Variants in NPAS2 observed in about 807,000 individuals in gnomAD.
NPAS2 encodes neuronal PAS domain protein 2.
In NPAS2, 23 loss-of-function variants were observed where a neutral mutation model predicts 107.5. The observed-to-expected ratio is 0.21, with a 90% confidence interval of 0.15 to 0.30. The LOEUF (loss-of-function observed/expected upper bound fraction) is 0.30, where lower values mean the gene tolerates loss of function less well. Ranked by LOEUF, NPAS2 falls within the 10% of genes least tolerant of loss-of-function variation. NPAS2 has a pLI of 1.00. For missense variants in NPAS2, 756 were observed against 1,043.3 expected, an observed-to-expected ratio of 0.72 and a Z score of 3.79; for synonymous variants, 403 against 417.5, an observed-to-expected ratio of 0.97 and a Z score of 0.42.
intron 1 of NPAS2, among the ~76,000 whole-genome samples, chr2:100,883,460 TAGC>T (rs1403797672): frequency 2.0e-5 from 3 of 152,170 alleles, no homozygotes; most frequent in Non-Finnish European, 4.4e-5. Flanking sequence ...CCACACACGG[TAGC>T]AGCATAAACC....
chr2:100,852,680 G>A (rs564729851), intron 1 of NPAS2, among the ~76,000 whole-genome samples: 7 of 152,218 alleles, frequency 4.6e-5, no homozygotes, highest in Non-Finnish European at 8.8e-5. Context: ...CACTCACAGT[G>A]GAGTCACCGC....
chr2:100,872,402 G>A lies in NPAS2; in HGVS notation c.-22-32331G>A, dbSNP rs77922123. Among the ~76,000 whole-genome samples the A allele has an allele frequency of 1.6e-3, 246 of 152,274 alleles. 5 individuals carry two copies. The East Asian group carries it at 0.03, about 19-fold the overall frequency. On this transcript the variant is annotated intron_variant, in intron 1 of 20. Transcript: ENST00000335681. ...AACCATGCCTGCAACCTAGGAAGCC[G>A]TCAAATGTAATTCATTATCATAATA...
intron 7 of NPAS2, among the ~76,000 whole-genome samples, chr2:100,958,646 T>A (rs1675721363): frequency 6.6e-6 from 1 of 152,156 alleles, no homozygotes; most frequent in Admixed American, 6.5e-5. Context: ...CAATGAGGAA[T>A]GGTCAGGCTT....
At chr2:100,936,459 TAA>T (rs1684306184) in intron 4 of NPAS2, among the ~76,000 whole-genome samples, 1 of 152,152 alleles carries the variant, frequency 6.6e-6, no homozygotes, top group South Asian at 2.1e-4. Context: ...AGGTTTCCAG[TAA>T]AAGTCTCCCT....
At position 100,835,355 on chromosome 2, in the gene NPAS2, C is replaced by G. The variant is rs113127909; in HGVS notation, c.-23+14941C>G. On this transcript the variant is annotated intron_variant, in intron 1 of 20. Transcript: ENST00000335681. ...TAGGATGTGTGTAAATCAAATCCAGCATCTGAACCTGCCTTCTTTAGCTTC... is the reference window on the plus strand; with the variant it reads ...TAGGATGTGTGTAAATCAAATCCAGGATCTGAACCTGCCTTCTTTAGCTTC... 7.9e-5 allele frequency among the ~76,000 whole-genome samples: 12 copies of G among 152,264 alleles called. 1 individual carries two copies. The highest frequency in any genetic ancestry group is 2.9e-4 in the African/African-American group (12 of 41,552).
intron 1 of NPAS2, among the ~76,000 whole-genome samples, chr2:100,903,197 T>C (rs958493006): frequency 6.6e-6 from 1 of 152,194 alleles, no homozygotes; most frequent in Non-Finnish European, 1.5e-5. Flanking sequence ...GCTCATGCCC[T>C]GGGGCTTTGA....
intron 1 of NPAS2, among the ~76,000 whole-genome samples, chr2:100,898,535 A>G (rs906233095): frequency 2.0e-5 from 3 of 152,192 alleles, no homozygotes; most frequent in African/African-American, 7.2e-5. Context: ...ATAACAATAG[A>G]CAAAGGGTGT....
chr2:100,973,078 C>A (rs996590532), intron 12 of NPAS2, among the ~76,000 whole-genome samples: 29 of 151,938 alleles, frequency 1.9e-4, no homozygotes, highest in African/African-American at 6.5e-4. Flanking sequence ...ACTCAGGAGG[C>A]TGAGGCAGGA....
intron 14 of NPAS2, 68 bp downstream of exon 14, chr2:100,975,635 C>T (rs981334309): frequency 1.5e-5 from 17 of 1,116,444 alleles, no homozygotes; most frequent in East Asian, 5.5e-5. Context: ...CAGAGCCAGG[C>T]GATGTGCTGC....
At chr2:100,878,296 A>G (rs535121871) in intron 1 of NPAS2, 1 of 985,460 alleles carries the variant, frequency 1.0e-6, no homozygotes, top group African/African-American at 1.7e-5. Context: ...GGCAAGCAGC[A>G]TTCCCTGACA....
At chr2:100,848,199 T>C (rs1379168082) in intron 1 of NPAS2, among the ~76,000 whole-genome samples, 3 of 152,078 alleles carry the variant, frequency 2.0e-5, no homozygotes, top group Non-Finnish European at 4.4e-5. Context: ...ATTGGGATTG[T>C]TTTCGATTTT....
intron 7 of NPAS2, among the ~76,000 whole-genome samples, chr2:100,950,327 A>T (rs925390563): frequency 6.6e-6 from 1 of 152,256 alleles, no homozygotes; most frequent in Non-Finnish European, 1.5e-5. Context: ...TGGGGGAAAA[A>T]AGAGGAAATG....
At chr2:100,943,819 C>T (rs553006115) in intron 5 of NPAS2, among the ~76,000 whole-genome samples, 33 of 152,304 alleles carry the variant, frequency 2.2e-4, no homozygotes, top group African/African-American at 7.9e-4. Context: ...GGGAGGGAAC[C>T]TGCAGTTAGG....
Position 100,821,007 on chromosome 2 carries a change from T to C in NPAS2, c.-23+593T>C, listed in dbSNP as rs1558778099. 7.1e-6 allele frequency: 9 copies of C among 1,265,778 alleles called. 1 individual carries two copies. The highest frequency in any genetic ancestry group is 1.3e-5 in the South Asian group (1 of 75,570). The allele number at this position is 1,265,778 out of a possible 1,614,324, so 78.4% of individuals were successfully genotyped here. On this transcript the variant is annotated intron_variant, in intron 1 of 20. Transcript: ENST00000335681. Reference sequence around the variant, plus strand: ...GTCGCTGCCGCCCCCCCACCCCAACTCCGGAGCTCCCCAGGTTGGATGTAT... The same window carrying C: ...GTCGCTGCCGCCCCCCCACCCCAACCCCGGAGCTCCCCAGGTTGGATGTAT...
At chr2:100,963,595 T>C (rs1184380069) in intron 7 of NPAS2, among the ~76,000 whole-genome samples, 3 of 152,158 alleles carry the variant, frequency 2.0e-5, no homozygotes, top group African/African-American at 7.2e-5. Flanking sequence ...GTTTGTTTTT[T>C]AGTAGAGATG....
At chr2:100,937,178 C>T (rs1466276388) in intron 4 of NPAS2, among the ~76,000 whole-genome samples, 3 of 152,146 alleles carry the variant, frequency 2.0e-5, no homozygotes, top group Admixed American at 6.5e-5. Flanking sequence ...ACGCAACCCC[C>T]ACACCCACCC....
chr2:100,966,585 CTTT>C (rs765292891), intron 10 of NPAS2, among the ~76,000 whole-genome samples: 8 of 120,320 alleles, frequency 6.6e-5, no homozygotes, highest in African/African-American at 3.3e-5. Flanking sequence ...CCCATTAGAA[CTTT>C]TTTTTTTTTT....
Position 100,839,255 on chromosome 2 carries a change from A to G in NPAS2, c.-23+18841A>G, listed in dbSNP as rs555973876. 2.6e-3 allele frequency among the ~76,000 whole-genome samples: 403 copies of G among 152,262 alleles called. 4 individuals carry two copies. The highest frequency in any genetic ancestry group is 9.3e-3 in the African/African-American group (388 of 41,538). On this transcript the variant is annotated intron_variant, in intron 1 of 20. Coordinates refer to ENST00000335681, the MANE Select transcript of NPAS2 (RefSeq NM_002518.4). ...GGGATTCTCCTGCCTCAGCCTCCTG[A>G]GTAACAGGGACTACAGGTACCTACC...
At chr2:100,829,985 G>GA (rs988134999) in intron 1 of NPAS2, among the ~76,000 whole-genome samples, 10 of 152,082 alleles carry the variant, frequency 6.6e-5, no homozygotes, top group African/African-American at 1.9e-4. Flanking sequence ...GATGACAAAA[G>GA]AAAAAACCTT....
Sources: allele counts gnomAD v4.1 joint callset (sites outside exome capture counted in the v4.1 genomes callset), GRCh38; gene constraint gnomAD v4.1.1; transcripts MANE v1.5; gene names NCBI Gene and HGNC (gene_info 2026-07-23, HGNC 2026-07-21).